The following REPS2 variants were observed in gnomAD, a reference collection of about 807,000 sequenced individuals.
The protein encoded by REPS2 is RALBP1 associated Eps domain containing 2.
A neutral mutation model predicts 53.6 loss-of-function variants in REPS2; 23 were observed. The observed-to-expected ratio is 0.43, with a 90% CI of 0.31 to 0.61. The LOEUF (loss-of-function observed/expected upper bound fraction) is 0.61, where lower values mean the gene tolerates loss of function less well. Among genes scored for constraint, REPS2 ranks in the 20% least tolerant of loss-of-function variants. The probability of loss-of-function intolerance (pLI) is 0.11; values close to 1 mark genes in which losing one functional copy is unlikely to be tolerated. For synonymous variants in REPS2, 238 were observed against 218.6 expected (o/e 1.09, Z -0.78); for missense variants, 446 against 534.9 (o/e 0.83, Z 1.64).
chrX:17,047,284 A>G, intron 5 of REPS2, 63 bp from the exon 6 acceptor site: 1 of 1,155,772 alleles, frequency 8.7e-7, no homozygotes, highest in South Asian at 1.9e-5. Context: ...TTGGTGTTTA[A>G]TTTTTCTACT....
At chrX:17,100,132 G>A (rs1230353208) in intron 13 of REPS2, 28 of 777,664 alleles carry the variant, frequency 3.6e-5, no homozygotes, top group Non-Finnish European at 5.1e-5. Context: ...AACTCATGAG[G>A]TCAGGGCAAT....
chrX:16,956,696 C>G (rs1472988209), intron 1 of REPS2, among the ~76,000 whole-genome samples: 1 of 111,431 alleles, frequency 9.0e-6, no homozygotes, highest in Admixed American at 9.5e-5. Flanking sequence ...CCTGCAGTCC[C>G]GGCTCTGAGC....
chrX:17,006,710 G>A (rs2061366400), intron 2 of REPS2, among the ~76,000 whole-genome samples: 1 of 111,603 alleles, frequency 9.0e-6, no homozygotes, highest in Admixed American at 9.5e-5. Context: ...AGTAACAAGG[G>A]AGTTTGAGTG....
At chrX:16,954,850 G>A (rs1199374163) in intron 1 of REPS2, among the ~76,000 whole-genome samples, 2 of 82,576 alleles carry the variant, frequency 2.4e-5, no homozygotes, top group Non-Finnish European at 2.2e-5. Flanking sequence ...TTGCTCTGTC[G>A]CCCGGGCTGA....
chrX:17,076,513 C>G (rs111936168), intron 12 of REPS2, among the ~76,000 whole-genome samples: 2,857 of 111,892 alleles, frequency 0.026, 98 homozygotes, highest in African/African-American at 0.09. Context: ...CCCGCCAACT[C>G]ATAGGCAGTA....
intron 1 of REPS2, chrX:16,978,643 G>T: frequency 1.6e-6 from 1 of 609,727 alleles, no homozygotes; most frequent in Non-Finnish European, 2.0e-6. Context: ...GAAGTTCTTG[G>T]TAGAAGAGGG....
At chrX:16,957,801 G>C (rs1159464124) in intron 1 of REPS2, among the ~76,000 whole-genome samples, 4 of 111,761 alleles carry the variant, frequency 3.6e-5, no homozygotes, top group Non-Finnish European at 7.5e-5. Context: ...CTTTGGGGCT[G>C]TATCATTCTT....
chrX:17,036,737 G>A (rs1349277239), intron 5 of REPS2, among the ~76,000 whole-genome samples: 1 of 111,817 alleles, frequency 8.9e-6, no homozygotes, highest in Non-Finnish European at 1.9e-5. Flanking sequence ...CACTGTGTGT[G>A]TGCGTTGATC....
At chrX:17,078,670 C>T (rs1049906950) in intron 13 of REPS2, among the ~76,000 whole-genome samples, 5 of 112,244 alleles carry the variant, frequency 4.5e-5, no homozygotes, top group African/African-American at 1.3e-4. Context: ...ATCTGGGAAG[C>T]TATCTCAGTA....
intron 14 of REPS2, among the ~76,000 whole-genome samples, chrX:17,132,282 G>T (rs940731162): frequency 2.7e-5 from 3 of 112,442 alleles, no homozygotes; most frequent in African/African-American, 9.7e-5. Flanking sequence ...TTGCCAGCCT[G>T]ACTGGTAACC....
chrX:16,990,273 G>C (rs898307147), intron 1 of REPS2, among the ~76,000 whole-genome samples: 2 of 111,256 alleles, frequency 1.8e-5, no homozygotes, highest in Non-Finnish European at 3.8e-5. Context: ...TCCATGCCAG[G>C]GGTTGAGGGG....
At chrX:17,065,444 C>G (rs2062212483) in intron 9 of REPS2, among the ~76,000 whole-genome samples, 1 of 112,288 alleles carries the variant, frequency 8.9e-6, no homozygotes, top group Admixed American at 9.4e-5. Flanking sequence ...CGTCCTTTGT[C>G]CATTTTAAAA....
intron 1 of REPS2, among the ~76,000 whole-genome samples, chrX:16,948,778 A>C (rs2060472317): frequency 8.9e-6 from 1 of 111,860 alleles, no homozygotes; most frequent in African/African-American, 3.3e-5. Context: ...TGCGTGAATG[A>C]GATTATATTT....
At chrX:16,964,652 C>G (rs750891853) in intron 1 of REPS2, among the ~76,000 whole-genome samples, 3 of 97,511 alleles carry the variant, frequency 3.1e-5, no homozygotes, top group Non-Finnish European at 6.3e-5. Context: ...GCTGGCCGGA[C>G]GGGGGGCTGA....
In REPS2 at chrX:17,022,173, T is replaced by C. The variant is rs2061585780; in HGVS notation, c.448T>C (p.Phe150Leu). ...GTCAAAGAATGATGGTGAGATACGA[T>C]TTGGGAACCCAGCTGAGCTGCATGG... ...MMSKNDGEIR[F>L]GNPAELHGTK... The change falls in exon 3 of 18, where the codon TTT (phenylalanine) becomes CTT (leucine). Residue 150 changes from phenylalanine to leucine, a missense_variant. Physicochemically the swap from Phe to Leu is conservative, Grantham distance 22. Coordinates refer to ENST00000357277, the MANE Select transcript of REPS2 (RefSeq NM_004726.3). 1 of 1,207,782 alleles carries C rather than the reference T, an allele frequency of 8.3e-7. No individual in the cohort carries two copies. Among genetic ancestry groups the C allele is most frequent in the Admixed American group, 2.2e-5 (1 of 45,714 alleles).
At position 17,047,399 on chromosome X, in the gene REPS2, C is replaced by G. The variant is rs1470719194; in HGVS notation, c.824C>G (p.Pro275Arg). The part of the protein sequence containing the change: ...LQDNSSYPDE[P>R]WRITEEQREY... ...GATAACAGCAGTTACCCCGACGAAC[C>G]CTGGAGGATAACAGAAGAACAGCGC... The change falls in exon 6 of 18, where the codon CCC becomes CGC. Residue 275 changes from proline (P) to arginine (R), a missense_variant. By Grantham distance (103) the Pro-to-Arg change is moderately radical. Coordinates refer to ENST00000357277, the MANE Select transcript of REPS2 (RefSeq NM_004726.3). 4 of 1,208,740 alleles carry G rather than the reference C, an allele frequency of 3.3e-6. No individual in the cohort carries two copies. The Admixed American group carries it at 8.8e-5, about 26-fold the overall frequency.
chrX:16,961,254 A>G (rs964984887), intron 1 of REPS2, among the ~76,000 whole-genome samples: 50 of 112,070 alleles, frequency 4.5e-4, no homozygotes, highest in African/African-American at 1.5e-3. Flanking sequence ...AAACAGACAT[A>G]TAGATCAATA....
the REPS2 span, among the ~76,000 whole-genome samples, chrX:17,164,432 A>G: frequency 8.9e-6 from 1 of 112,486 alleles, no homozygotes; most frequent in East Asian, 2.8e-4. Flanking sequence ...AAAAAGAGCT[A>G]GAGTGGCTCT....
At chrX:17,172,649 G>A in the REPS2 span, among the ~76,000 whole-genome samples, 34 of 111,526 alleles carry the variant, frequency 3.0e-4, no homozygotes, top group African/African-American at 1.1e-3. Context: ...AAATCTGGGA[G>A]CAATGATGGT....
Sources: gnomAD v4.1 joint callset for allele counts (sites outside exome capture counted in the v4.1 genomes callset) on GRCh38, gnomAD v4.1.1 for gene constraint, MANE v1.5 for transcripts, NCBI Gene and HGNC (gene_info 2026-07-23, HGNC 2026-07-21) for gene names.